The following NOX4 variants were observed in gnomAD, a reference collection of about 807,000 sequenced individuals.
NOX4 encodes the protein NADPH oxidase 4.
Under a neutral mutation model 87.6 loss-of-function variants are expected in NOX4, and 69 were observed. The observed-to-expected ratio is 0.79, with a 90% CI of 0.65 to 0.96. The LOEUF (loss-of-function observed/expected upper bound fraction) is 0.96. Ranked by LOEUF, NOX4 falls within the 40% of genes least tolerant of loss-of-function variation. The pLI is 0.00. For missense variants in NOX4, 680 were observed against 681.5 expected (o/e 1.00, Z 0.02); for synonymous variants, 275 against 238.2 (o/e 1.15, Z -1.42).
the NOX4 span, among the ~76,000 whole-genome samples, chr11:89,563,375 T>C: frequency 1.3e-5 from 2 of 152,162 alleles, no homozygotes; most frequent in East Asian, 3.9e-4. Flanking sequence ...AGGGAGATGA[T>C]TTTATGCCAC....
chr11:89,530,499 C>A, the NOX4 span, among the ~76,000 whole-genome samples: 2 of 148,318 alleles, frequency 1.3e-5, no homozygotes, highest in Non-Finnish European at 3.0e-5. Context: ...TGTGCCACCA[C>A]ATCTGTCTAC....
At chr11:89,481,031 G>A (rs1004259782) in intron 2 of NOX4, among the ~76,000 whole-genome samples, 2 of 152,040 alleles carry the variant, frequency 1.3e-5, no homozygotes, top group South Asian at 2.1e-4. Flanking sequence ...CAGGGAGGCA[G>A]CCAAAGGTCA....
At chr11:89,511,400 C>T in the NOX4 span, among the ~76,000 whole-genome samples, 1 of 151,678 alleles carries the variant, frequency 6.6e-6, no homozygotes, top group South Asian at 2.1e-4. Flanking sequence ...TTTTTCATCC[C>T]TTACTCTTCC....
chr11:89,350,657 A>C (rs1995398), intron 13 of NOX4, among the ~76,000 whole-genome samples: 16,645 of 152,188 alleles, frequency 0.11, 2,195 homozygotes, highest in African/African-American at 0.31. Flanking sequence ...AGGAAAAAAT[A>C]TCAATGTAGA....
At chr11:89,346,854 A>T (rs2134937809) in intron 13 of NOX4, among the ~76,000 whole-genome samples, 1 of 152,310 alleles carries the variant, frequency 6.6e-6, no homozygotes, top group African/African-American at 2.4e-5. Context: ...TACAGTCCTG[A>T]TGACAGGGTT....
intron 13 of NOX4, among the ~76,000 whole-genome samples, chr11:89,349,268 C>T (rs569966938): frequency 6.6e-6 from 1 of 151,506 alleles, no homozygotes; most frequent in African/African-American, 2.4e-5. Flanking sequence ...GCCTAGGCAA[C>T]AGAGCGAGAC....
At chr11:89,445,070 A>G (rs1216155205) in intron 4 of NOX4, among the ~76,000 whole-genome samples, 1 of 152,144 alleles carries the variant, frequency 6.6e-6, no homozygotes, top group African/African-American at 2.4e-5. Context: ...AATGTATTGA[A>G]AATACAACAG....
At chr11:89,445,583 A>G (rs1016055170) in intron 4 of NOX4, among the ~76,000 whole-genome samples, 1 of 152,176 alleles carries the variant, frequency 6.6e-6, no homozygotes, top group Non-Finnish European at 1.5e-5. Context: ...CAGTCAATTG[A>G]TCTTTGGCAA....
At chr11:89,403,488 G>T (rs1265238612) in intron 8 of NOX4, among the ~76,000 whole-genome samples, 2 of 152,078 alleles carry the variant, frequency 1.3e-5, no homozygotes, top group African/African-American at 2.4e-5. Context: ...TATCTTTCAT[G>T]CTCTCAAATA....
the NOX4 span, among the ~76,000 whole-genome samples, chr11:89,575,762 C>T: frequency 5.7e-3 from 866 of 151,476 alleles, 8 homozygotes; most frequent in African/African-American, 0.02. Context: ...CTTCTTCTTT[C>T]TTCTACTTCA....
chr11:89,399,981 C>T lies in NOX4; in HGVS notation c.1074+36G>A, dbSNP rs368189281. Reference sequence around the variant, plus strand: ...AAAAAAGAAAAATATGCATAGCACCCTACAAATGTGAAAAAGCAAGAGATA... The same window carrying T: ...AAAAAAGAAAAATATGCATAGCACCTTACAAATGTGAAAAAGCAAGAGATA... On this transcript the variant is annotated intron_variant, in intron 11 of 17. Transcript: ENST00000263317. 3.9e-6 allele frequency: 6 copies of T among 1,527,736 alleles called. No individual in the cohort carries two copies. The African/African-American group carries it at 8.3e-5, about 21-fold the overall frequency. 94.6% of individuals were successfully genotyped at this position (1,527,736 alleles called of 1,614,324 possible).
At chr11:89,514,841 T>C in the NOX4 span, among the ~76,000 whole-genome samples, 24,144 of 151,962 alleles carry the variant, frequency 0.16, 2,523 homozygotes, top group Admixed American at 0.26. Flanking sequence ...TCTTGAGTGT[T>C]GTATACATTT....
chr11:89,405,518 AAAAC>A (rs1218759404), intron 8 of NOX4, among the ~76,000 whole-genome samples: 1 of 151,994 alleles, frequency 6.6e-6, no homozygotes, highest in Non-Finnish European at 1.5e-5. Context: ...AAAAACACAA[AAAAC>A]AAACAGAATA....
chr11:89,441,030 T>A (rs911229091), intron 5 of NOX4, among the ~76,000 whole-genome samples: 2 of 152,168 alleles, frequency 1.3e-5, no homozygotes, highest in African/African-American at 4.8e-5. Context: ...TTTGACCATT[T>A]TGAAACTCAA....
chr11:89,517,355 T>G, the NOX4 span, among the ~76,000 whole-genome samples: 4 of 152,250 alleles, frequency 2.6e-5, 1 homozygote, highest in Middle Eastern at 6.8e-3. Flanking sequence ...CGCTCATCAA[T>G]ATATTGATAT....
intron 11 of NOX4, among the ~76,000 whole-genome samples, chr11:89,389,705 G>C (rs1330728288): frequency 1.3e-5 from 2 of 152,120 alleles, no homozygotes; most frequent in Admixed American, 1.3e-4. Context: ...CCAAAAGTAA[G>C]AGCAGTGTTA....
chr11:89,508,984 T>C, the NOX4 span, among the ~76,000 whole-genome samples: 1 of 152,174 alleles, frequency 6.6e-6, no homozygotes, highest in African/African-American at 2.4e-5. Flanking sequence ...TCAGGAAACA[T>C]AATTTAGTTC....
intron 12 of NOX4, among the ~76,000 whole-genome samples, chr11:89,359,601 G>A (rs1466866305): frequency 1.3e-5 from 2 of 151,974 alleles, no homozygotes; most frequent in East Asian, 3.9e-4. Flanking sequence ...AAGATCCTTT[G>A]CATCTAGAGA....
chr11:89,566,035 C>CT, the NOX4 span, among the ~76,000 whole-genome samples: 1 of 133,292 alleles, frequency 7.5e-6, no homozygotes, highest in Non-Finnish European at 1.5e-5. Context: ...ATTACTAATT[C>CT]TTTTTTTCTT....
Sources: allele counts gnomAD v4.1 joint callset (sites outside exome capture counted in the v4.1 genomes callset), GRCh38; gene constraint gnomAD v4.1.1; transcripts MANE v1.5; gene names NCBI Gene and HGNC (gene_info 2026-07-23, HGNC 2026-07-21).